CDH18: variants seen among roughly 807,000 people sequenced by gnomAD.
The protein encoded by CDH18 is cadherin 18.
CDH18 carries 31 observed loss-of-function variants against 67.9 expected under a neutral mutation model. That is an observed-to-expected ratio of 0.46 (90% CI 0.34 to 0.62). CDH18 has a LOEUF of 0.62. Among genes scored for constraint, CDH18 ranks in the 20% least tolerant of loss-of-function variants. The pLI is 0.01. For missense variants in CDH18, 890 were observed against 975.5 expected (o/e 0.91, Z 1.17); for synonymous variants, 362 against 347.2 (o/e 1.04, Z -0.48).
chr5:20,157,645 CT>C (rs538867743), intron 2 of CDH18, among the ~76,000 whole-genome samples: 3,217 of 136,572 alleles, frequency 0.024, 40 homozygotes, highest in Non-Finnish European at 0.03. Flanking sequence ...CTTTAACCCA[CT>C]TTTTTTTTTT....
chr5:19,829,326 C>T (rs1039162975), intron 3 of CDH18, among the ~76,000 whole-genome samples: 1 of 152,110 alleles, frequency 6.6e-6, no homozygotes, highest in Non-Finnish European at 1.5e-5. Flanking sequence ...TAGTCTTTGT[C>T]TAAAAGCTCC....
At chr5:20,172,242 A>ATATATGTATATATATATATATATGTG (rs1736881771) in intron 2 of CDH18, among the ~76,000 whole-genome samples, 1 of 56,700 alleles carries the variant, frequency 1.8e-5, no homozygotes, top group Non-Finnish European at 3.6e-5. Context: ...ATATATATGT[A>ATATATGTATATATATATATATATGTG]TATATATATA....
intron 2 of CDH18, among the ~76,000 whole-genome samples, chr5:20,224,663 T>C (rs190400589): frequency 3.1e-4 from 47 of 152,244 alleles, no homozygotes; most frequent in Admixed American, 4.6e-4. Context: ...GCTGACATAA[T>C]TAAATGCATT....
chr5:20,555,317 C>A (rs1354975143), intron 1 of CDH18, among the ~76,000 whole-genome samples: 1 of 143,494 alleles, frequency 7.0e-6, no homozygotes. Flanking sequence ...CTATGAGAAA[C>A]AAATTGTCTG....
At chr5:20,060,509 T>C (rs1742374473) in intron 2 of CDH18, among the ~76,000 whole-genome samples, 1 of 152,136 alleles carries the variant, frequency 6.6e-6, no homozygotes, top group Non-Finnish European at 1.5e-5. Flanking sequence ...GATTGGTATC[T>C]TTAAATAATG....
intron 4 of CDH18, among the ~76,000 whole-genome samples, chr5:19,736,893 T>A (rs1298253610): frequency 6.6e-6 from 1 of 152,180 alleles, no homozygotes; most frequent in Non-Finnish European, 1.5e-5. Flanking sequence ...TGCCAGAGTA[T>A]GAGTACAAGA....
intron 1 of CDH18, among the ~76,000 whole-genome samples, chr5:20,280,963 G>A (rs368914029): frequency 2.0e-5 from 3 of 152,306 alleles, no homozygotes; most frequent in Admixed American, 6.5e-5. Flanking sequence ...GGCCAGTGAT[G>A]ATGAGCATTT....
chr5:20,138,754 C>T (rs559661647), intron 2 of CDH18, among the ~76,000 whole-genome samples: 4 of 152,184 alleles, frequency 2.6e-5, no homozygotes, highest in African/African-American at 4.8e-5. Flanking sequence ...ATCCAACTTA[C>T]GAGGGATGTG....
At chr5:20,166,643 T>C (rs946921845) in intron 2 of CDH18, among the ~76,000 whole-genome samples, 12 of 152,106 alleles carry the variant, frequency 7.9e-5, no homozygotes, top group Non-Finnish European at 1.0e-4. Context: ...TCTGGGATAG[T>C]GGCCAAGAAC....
At chr5:20,368,563 AT>A (rs1742708596) in intron 1 of CDH18, among the ~76,000 whole-genome samples, 1 of 152,192 alleles carries the variant, frequency 6.6e-6, no homozygotes, top group Non-Finnish European at 1.5e-5. Context: ...GAGTGAATTT[AT>A]TTTAATGTGG....
At chr5:19,483,622 T>A (rs1739872265) in intron 11 of CDH18, 70 bp from the exon 12 acceptor site, 1 of 1,443,124 alleles carries the variant, frequency 6.9e-7, no homozygotes, top group African/African-American at 1.4e-5. Context: ...TTTCCTTTAA[T>A]GGATAAAATG....
intron 3 of CDH18, among the ~76,000 whole-genome samples, chr5:19,805,992 C>T (rs1777993652): frequency 6.6e-6 from 1 of 152,124 alleles, no homozygotes; most frequent in South Asian, 2.1e-4. Flanking sequence ...AGTCACCCAT[C>T]CACGTTCTCT....
intron 1 of CDH18, among the ~76,000 whole-genome samples, chr5:20,356,737 CTCTCTCTCTCTCTCTCTA>C (rs1347431688): frequency 1.4e-5 from 2 of 142,054 alleles, no homozygotes; most frequent in Non-Finnish European, 3.0e-5. Flanking sequence ...CTCTCTCTCT[CTCTCTCTCTCTCTCTCTA>C]TATATATATA....
intron 3 of CDH18, among the ~76,000 whole-genome samples, chr5:19,830,799 G>A (rs1780932123): frequency 6.6e-6 from 1 of 152,034 alleles, no homozygotes; most frequent in African/African-American, 2.4e-5. Context: ...TGCCCATTAA[G>A]AGTATCCTGG....
intron 4 of CDH18, among the ~76,000 whole-genome samples, chr5:19,724,102 G>T (rs920885658): frequency 2.0e-5 from 3 of 152,116 alleles, no homozygotes; most frequent in African/African-American, 7.2e-5. Flanking sequence ...GCCCCACACT[G>T]GAAACCATCC....
intron 5 of CDH18, among the ~76,000 whole-genome samples, chr5:19,674,404 A>G (rs1258848690): frequency 6.6e-6 from 1 of 152,138 alleles, no homozygotes; most frequent in Non-Finnish European, 1.5e-5. Flanking sequence ...TTCTGCAATA[A>G]AATATTTTGT....
At chr5:19,631,607 TATG>T in intron 5 of CDH18, among the ~76,000 whole-genome samples, 1 of 152,250 alleles carries the variant, frequency 6.6e-6, no homozygotes, top group Non-Finnish European at 1.5e-5. Context: ...TTGAAAGACT[TATG>T]AAGTCTGTTA....
chr5:20,559,196 A>C (rs1758070774), intron 1 of CDH18, among the ~76,000 whole-genome samples: 1 of 152,054 alleles, frequency 6.6e-6, no homozygotes, highest in Non-Finnish European at 1.5e-5. Flanking sequence ...TTCAAGGAGA[A>C]AAACCATAAA....
intron 9 of CDH18, among the ~76,000 whole-genome samples, chr5:19,543,244 AG>A (rs1430039957): frequency 1.3e-5 from 2 of 152,078 alleles, no homozygotes; most frequent in Non-Finnish European, 2.9e-5. Context: ...TTATGATTCC[AG>A]AAGTATTACG....
Sources: allele counts gnomAD v4.1 joint callset (sites outside exome capture counted in the v4.1 genomes callset), GRCh38; gene constraint gnomAD v4.1.1; transcripts MANE v1.5; gene names NCBI Gene and HGNC (gene_info 2026-07-23, HGNC 2026-07-21).